The following ZAR1L variants were observed in gnomAD, a reference collection of about 807,000 sequenced individuals.
ZAR1L encodes protein ZAR1-like.
In ZAR1L, 16 loss-of-function variants were observed where a neutral mutation model predicts 30.0. That is an observed-to-expected ratio of 0.53 (90% CI 0.36 to 0.81). The LOEUF is 0.81. ZAR1L is among the 30% of genes least tolerant of loss of function. The pLI is 0.00. For synonymous variants in ZAR1L, 197 were observed against 166.8 expected (o/e 1.18, Z -1.40); for missense variants, 392 against 417.2 (o/e 0.94, Z 0.53).
chr13:32,311,347 C>T lies in ZAR1L; in HGVS notation c.579G>A (p.Pro193=), dbSNP rs1289261757. The change falls in exon 3 of 6, where the codon CCG becomes CCA. Residue 193 remains proline (P), a synonymous_variant. Transcript: ENST00000533490. ...GCTTGCTCTTCGTCTCCTGAGGGCA[C>T]GGGGCGTCTTTCTCCCCCGATTCCT... is the stretch of plus-strand genomic sequence containing the variant. The part of the protein sequence containing the change: ...QLEESGEKDA[P]CPQETKSKQV... The T allele has an allele frequency of 6.4e-7, 1 of 1,550,986 alleles. No homozygotes were observed. Among genetic ancestry groups the T allele is most frequent in the South Asian group, 1.2e-5 (1 of 84,064 alleles).
At chr13:32,310,851 CAA>C (rs1156391972) in intron 3 of ZAR1L, 120 bp from the exon 4 acceptor site, 2 of 697,556 alleles carry the variant, frequency 2.9e-6, no homozygotes, top group Admixed American at 2.6e-5. Flanking sequence ...TATCTATTCT[CAA>C]GACTACGGCA....
In ZAR1L at chr13:32,311,779, C is replaced by A; in HGVS notation, c.147G>T (p.Leu49=). The change falls in exon 3 of 6, where the codon CTG becomes CTT. Residue 49 remains leucine, a synonymous_variant. Transcript: ENST00000533490. ...AGTCAGGGGCGTTCGCGGGCACCAG[C>A]AGCCCTGGCCTGGCCAGAAAAGTGG... ...GPPTFLARPG[L]LVPANAPDYC... is the part of the protein sequence containing the mutation. The A allele has an allele frequency of 6.4e-7, 1 of 1,551,732 alleles. No individual in the cohort carries two copies. Among genetic ancestry groups the A allele is most frequent in the South Asian group, 1.2e-5 (1 of 84,070 alleles).
intron 5 of ZAR1L, among the ~76,000 whole-genome samples, chr13:32,306,489 G>A (rs206143): frequency 0.37 from 56,601 of 151,980 alleles, 10,720 homozygotes; most frequent in East Asian, 0.49. Context: ...GCAGATTTAC[G>A]AAGGGGAAAG....
chr13:32,310,940 A>G (rs1327080345), intron 3 of ZAR1L, among the ~76,000 whole-genome samples: 1 of 151,928 alleles, frequency 6.6e-6, no homozygotes, highest in Admixed American at 6.6e-5. Flanking sequence ...TTTCCAATCC[A>G]TTTTCCACAA....
At chr13:32,306,470 G>C (rs2072175647) in intron 5 of ZAR1L, among the ~76,000 whole-genome samples, 1 of 152,138 alleles carries the variant, frequency 6.6e-6, no homozygotes, top group South Asian at 2.1e-4. Context: ...CCAAGGCAGA[G>C]AGAAGTAAGC....
chr13:32,308,244 G>A (rs2072189917), intron 5 of ZAR1L, among the ~76,000 whole-genome samples: 1 of 152,224 alleles, frequency 6.6e-6, no homozygotes. Context: ...ATAGAATCCA[G>A]TCAGAGCTCT....
chr13:32,305,823 T>C (rs1303863077), intron 5 of ZAR1L, among the ~76,000 whole-genome samples: 4 of 152,234 alleles, frequency 2.6e-5, no homozygotes. Flanking sequence ...GTGAGCTTGA[T>C]GTCTGGGACT....
rs1370634871 is a variant in ZAR1L at position 32,304,773 on chromosome 13, A to G, written c.823-751T>C. Among the ~76,000 whole-genome samples the G allele has an allele frequency of 2.0e-5, 3 of 149,858 alleles. No individual in the cohort carries two copies. The East Asian group carries it at 5.8e-4, about 29-fold the overall frequency. ...CCAACCCTGCCATTCTATTTTCTAC[A>G]TGTCCCATAGCCACATGGAATAAGT... On this transcript the variant is annotated intron_variant, in intron 5 of 5. Transcript: ENST00000533490.
Position 32,311,718 on chromosome 13 carries a change from C to T in ZAR1L, c.208G>A (p.Ala70Thr). 1 of 1,551,630 alleles carries T rather than the reference C, an allele frequency of 6.4e-7. No homozygotes were observed. The highest frequency in any genetic ancestry group is 8.7e-7 in the Non-Finnish European group (1 of 1,147,006). The change falls in exon 3 of 6, where the codon GCC (alanine) becomes ACC (threonine). Residue 70 changes from alanine to threonine, a missense_variant. Physicochemically the swap from Ala to Thr is moderately conservative, Grantham distance 58. Transcript: ENST00000533490. ...IDPYKRAQLK[A>T]ILSQMNPSLS... is the part of the protein sequence containing the mutation. Reference sequence around the variant, plus strand: ...CTGGGGTTCATCTGGGAGAGAATGGCCTTAAGCTGCGCCCTCTTGTAAGGG... The same window carrying T: ...CTGGGGTTCATCTGGGAGAGAATGGTCTTAAGCTGCGCCCTCTTGTAAGGG...
chr13:32,314,609 G>C (rs1331022200), intron 1 of ZAR1L, 59 bp from the exon 2 acceptor site: 1 of 152,396 alleles, frequency 6.6e-6, no homozygotes, highest in Non-Finnish European at 1.5e-5. Context: ...CCAGCGCTTT[G>C]GGAGGCCGAG....
At position 32,310,072 on chromosome 13, in the gene ZAR1L, T is replaced by C. The variant is rs116046513; in HGVS notation, c.747+567A>G. Reference sequence around the variant, plus strand: ...AGGGCAAGGAAAAGAAGAGGAAGCCTTAGGGGCAGCCTGCTGTTCTCATTC... The same window carrying C: ...AGGGCAAGGAAAAGAAGAGGAAGCCCTAGGGGCAGCCTGCTGTTCTCATTC... On this transcript the variant is annotated intron_variant, in intron 4 of 5. Coordinates refer to ENST00000533490, the MANE Select transcript of ZAR1L (RefSeq NM_001136571.2). Among the ~76,000 whole-genome samples the C allele has an allele frequency of 4.7e-3, 723 of 152,344 alleles. 8 individuals carry two copies. The highest frequency in any genetic ancestry group is 0.017 in the African/African-American group (690 of 41,580).
chr13:32,311,368 T>G lies in ZAR1L; in HGVS notation c.558A>C (p.Glu186Asp). 6.4e-7 allele frequency: 1 copy of G among 1,550,920 alleles called. No individual in the cohort carries two copies. The highest frequency in any genetic ancestry group is 8.7e-7 in the Non-Finnish European group (1 of 1,146,962). ...DRQEEPGQLE[E>D]SGEKDAPCPQ... The stretch of plus-strand genomic sequence containing the variant: ...GGCACGGGGCGTCTTTCTCCCCCGA[T>G]TCCTCCAGCTGCCCGGGCTCCTCCT... The change falls in exon 3 of 6, where the codon GAA (glutamate) becomes GAC (aspartate). Residue 186 changes from glutamate (E) to aspartate (D), a missense_variant. By Grantham distance (45) the Glu-to-Asp change is conservative. Coordinates refer to ENST00000533490, the MANE Select transcript of ZAR1L (RefSeq NM_001136571.2).
chr13:32,310,007 T>C (rs1313031896), intron 4 of ZAR1L, among the ~76,000 whole-genome samples: 1 of 152,198 alleles, frequency 6.6e-6, no homozygotes, highest in African/African-American at 2.4e-5. Context: ...TGGAGGTTAA[T>C]AACATCGGGC....
chr13:32,314,598 C>T (rs1292366976), intron 1 of ZAR1L, 48 bp from the exon 2 acceptor site: 1 of 152,412 alleles, frequency 6.6e-6, no homozygotes, highest in Non-Finnish European at 1.5e-5. Flanking sequence ...TGCCTGTAAT[C>T]CCAGCGCTTT....
intron 5 of ZAR1L, among the ~76,000 whole-genome samples, chr13:32,304,927 A>G (rs756789988): frequency 6.7e-6 from 1 of 149,686 alleles, no homozygotes; most frequent in Non-Finnish European, 1.5e-5. Flanking sequence ...TCTCTGCCTC[A>G]GCTTCCTGAG....
intron 5 of ZAR1L, among the ~76,000 whole-genome samples, chr13:32,307,205 T>C (rs1034195135): frequency 2.6e-5 from 4 of 151,966 alleles, no homozygotes; most frequent in African/African-American, 9.7e-5. Context: ...TTGCATTGTC[T>C]GTGAAAGGCA....
At chr13:32,306,988 A>C (rs544487009) in intron 5 of ZAR1L, among the ~76,000 whole-genome samples, 1 of 150,636 alleles carries the variant, frequency 6.6e-6, no homozygotes, top group Non-Finnish European at 1.5e-5. Context: ...TCACCTCCAG[A>C]CCAATACTAT....
In ZAR1L at chr13:32,311,370, C is replaced by T; in HGVS notation, c.556G>A (p.Glu186Lys). ...CACGGGGCGTCTTTCTCCCCCGATTCCTCCAGCTGCCCGGGCTCCTCCTGC... is the reference window on the plus strand; with the variant it reads ...CACGGGGCGTCTTTCTCCCCCGATTTCTCCAGCTGCCCGGGCTCCTCCTGC... ...DRQEEPGQLEESGEKDAPCPQ... is the reference protein window; with the variant it reads ...DRQEEPGQLEKSGEKDAPCPQ... The change falls in exon 3 of 6, where the codon GAA becomes AAA. Residue 186 changes from glutamate to lysine, a missense_variant. Transcript: ENST00000533490. 6.4e-7 allele frequency: 1 copy of T among 1,550,956 alleles called. No homozygotes were observed.
At chr13:32,307,634 A>C (rs1444153055) in intron 5 of ZAR1L, among the ~76,000 whole-genome samples, 1 of 152,034 alleles carries the variant, frequency 6.6e-6, no homozygotes, top group Non-Finnish European at 1.5e-5. Context: ...GAATATTAAA[A>C]AAAATTCAAG....
Sources: allele counts gnomAD v4.1 joint callset (sites outside exome capture counted in the v4.1 genomes callset), GRCh38; gene constraint gnomAD v4.1.1; transcripts MANE v1.5; gene names NCBI Gene and HGNC (gene_info 2026-07-23, HGNC 2026-07-21).